The following PHF14 variants were observed in gnomAD, a reference collection of about 807,000 sequenced individuals.
The protein encoded by PHF14 is PHD finger protein 14.
Under a neutral mutation model 117.9 loss-of-function variants are expected in PHF14, and 55 were observed. The ratio of observed to expected loss-of-function variants is 0.47; its 90% CI spans 0.38 to 0.58. PHF14 has a LOEUF of 0.58. Among genes scored for constraint, PHF14 ranks in the 20% least tolerant of loss-of-function variants. PHF14 has a pLI of 0.00. For missense variants in PHF14, 978 were observed against 1,122.2 expected (o/e 0.87, Z 1.84); for synonymous variants, 409 against 368.6 (o/e 1.11, Z -1.26).
chr7:11,099,824 C>T (rs1025610414), intron 16 of PHF14, among the ~76,000 whole-genome samples: 3 of 151,928 alleles, frequency 2.0e-5, no homozygotes, highest in Non-Finnish European at 4.4e-5. Context: ...AAAAAAGATC[C>T]TAAAGTCTGT....
At chr7:11,001,890 G>A (rs967819345) in intron 4 of PHF14, among the ~76,000 whole-genome samples, 3 of 152,124 alleles carry the variant, frequency 2.0e-5, no homozygotes, top group Non-Finnish European at 2.9e-5. Context: ...GATGTTGAAA[G>A]CAGTACTGAC....
chr7:11,137,805 C>T (rs1388428659), intron 17 of PHF14, among the ~76,000 whole-genome samples: 1 of 151,622 alleles, frequency 6.6e-6, no homozygotes. Flanking sequence ...AGGCTGGTCT[C>T]GAACTCCTGA....
chr7:11,098,753 C>T (rs1481636326), intron 16 of PHF14, among the ~76,000 whole-genome samples: 4 of 152,214 alleles, frequency 2.6e-5, no homozygotes, highest in African/African-American at 9.6e-5. Context: ...AGAGGCCTTA[C>T]ACACAGAACA....
intron 3 of PHF14, among the ~76,000 whole-genome samples, chr7:10,987,222 G>A (rs1022450413): frequency 2.6e-5 from 4 of 152,152 alleles, no homozygotes; most frequent in African/African-American, 9.7e-5. Context: ...CGAGATTCAT[G>A]AGAATTTAAC....
At chr7:11,164,906 G>A (rs1789155373) in intron 17 of PHF14, among the ~76,000 whole-genome samples, 1 of 152,120 alleles carries the variant, frequency 6.6e-6, no homozygotes, top group African/African-American at 2.4e-5. Context: ...ATAGTTCCAA[G>A]TCTTGTCATT....
chr7:11,031,320 A>G (rs1784115054), intron 7 of PHF14, among the ~76,000 whole-genome samples: 2 of 152,150 alleles, frequency 1.3e-5, no homozygotes, highest in Admixed American at 1.3e-4. Flanking sequence ...GTGAGAATCC[A>G]TGTGACATTT....
chr7:10,991,411 C>T (rs947477776), intron 4 of PHF14, among the ~76,000 whole-genome samples: 3 of 151,946 alleles, frequency 2.0e-5, no homozygotes, highest in Admixed American at 6.6e-5. Flanking sequence ...CTCCTGACCT[C>T]GTGATCCACC....
At chr7:11,105,000 CAT>C in intron 16 of PHF14, 1 of 898,548 alleles carries the variant, frequency 1.1e-6, no homozygotes, top group Non-Finnish European at 1.3e-6. Context: ...ATCTGCAACA[CAT>C]ACAATTTTTT....
At chr7:11,158,870 G>T (rs993480873) in intron 17 of PHF14, among the ~76,000 whole-genome samples, 1 of 151,968 alleles carries the variant, frequency 6.6e-6, no homozygotes, top group Non-Finnish European at 1.5e-5. Flanking sequence ...CTTAACAAGG[G>T]TATTGTACAC....
intron 4 of PHF14, among the ~76,000 whole-genome samples, chr7:11,013,263 G>T (rs887885478): frequency 6.6e-6 from 1 of 152,138 alleles, no homozygotes; most frequent in Admixed American, 6.6e-5. Flanking sequence ...CAGGGTTCAA[G>T]TGATTCTCCT....
chr7:11,116,496 A>G (rs973610242), intron 17 of PHF14, among the ~76,000 whole-genome samples: 1 of 151,936 alleles, frequency 6.6e-6, no homozygotes, highest in Admixed American at 6.6e-5. Context: ...CTTCCTTTTC[A>G]TCTTTGTAAA....
chr7:11,055,635 C>T (rs1784990524), intron 14 of PHF14, among the ~76,000 whole-genome samples: 1 of 152,072 alleles, frequency 6.6e-6, no homozygotes, highest in Non-Finnish European at 1.5e-5. Context: ...CACATCTAAT[C>T]GTTTTTCCAT....
At chr7:11,103,534 A>G (rs532726582) in intron 16 of PHF14, 6 of 985,300 alleles carry the variant, frequency 6.1e-6, no homozygotes, top group South Asian at 4.7e-5. Context: ...TGAATATTTC[A>G]TCACTCAATC....
intron 16 of PHF14, among the ~76,000 whole-genome samples, chr7:11,074,254 A>C (rs573886659): frequency 6.8e-6 from 1 of 146,076 alleles, no homozygotes; most frequent in East Asian, 2.0e-4. Flanking sequence ...TCTGTTGCCC[A>C]GGCTGGAGTG....
At chr7:11,033,541 C>T (rs1454858069) in intron 7 of PHF14, among the ~76,000 whole-genome samples, 1 of 152,116 alleles carries the variant, frequency 6.6e-6, no homozygotes, top group Non-Finnish European at 1.5e-5. Context: ...GAGGCTGGAT[C>T]AGATAGTTTC....
At chr7:11,122,181 G>A (rs907624522) in intron 17 of PHF14, among the ~76,000 whole-genome samples, 1 of 150,798 alleles carries the variant, frequency 6.6e-6, no homozygotes, top group Non-Finnish European at 1.5e-5. Flanking sequence ...TCCCTGCAAA[G>A]GACATGAACT....
intron 16 of PHF14, chr7:11,107,697 T>TA (rs1787318659): frequency 1.4e-6 from 1 of 695,978 alleles, no homozygotes; most frequent in Admixed American, 6.4e-5. Flanking sequence ...AATCTGTTTT[T>TA]ATTACATAGA....
chr7:11,092,464 G>C (rs1279152999), intron 16 of PHF14, among the ~76,000 whole-genome samples: 1 of 152,136 alleles, frequency 6.6e-6, no homozygotes. Flanking sequence ...CTAAGATAGT[G>C]GTTCTCAATT....
intron 3 of PHF14, among the ~76,000 whole-genome samples, chr7:10,987,910 G>A (rs1213013280): frequency 6.6e-6 from 1 of 151,416 alleles, no homozygotes; most frequent in Non-Finnish European, 1.5e-5. Context: ...CAGCTACTCG[G>A]GAGGCTGAGG....
Sources: allele counts gnomAD v4.1 joint callset (sites outside exome capture counted in the v4.1 genomes callset), GRCh38; gene constraint gnomAD v4.1.1; transcripts MANE v1.5; gene names NCBI Gene and HGNC (gene_info 2026-07-23, HGNC 2026-07-21).